The following MNAT1 variants were observed in gnomAD, a reference collection of about 807,000 sequenced individuals.
The protein encoded by MNAT1 is CDK-activating kinase assembly factor MAT1.
A neutral mutation model predicts 42.0 loss-of-function variants in MNAT1; 43 were observed. The observed-to-expected ratio is 1.02, with a 90% CI of 0.80 to 1.32. MNAT1 has a LOEUF of 1.32. Among genes scored for constraint, MNAT1 ranks in the 40% most tolerant of loss-of-function variants. The pLI is 0.00. For missense variants in MNAT1, 306 were observed against 350.4 expected, an observed-to-expected ratio of 0.87 and a Z score of 1.01; for synonymous variants, 118 against 120.0, an observed-to-expected ratio of 0.98 and a Z score of 0.11.
At position 60,918,198 on chromosome 14, in the gene MNAT1, C is replaced by CTTTTTTTTT. The variant is rs386381525; in HGVS notation, c.809+38383_809+38391dup. On this transcript the variant is annotated intron_variant, in intron 7 of 7. Transcript: ENST00000261245. ...AGAAGGATCAATCCAATTAATTGTT[C>CTTTTTTTTT]TTTTTTTTTTTTTTTTTTTTTTTTT... Among the ~76,000 whole-genome samples the CTTTTTTTTT allele has an allele frequency of 1.3e-3, 62 of 48,622 alleles. 13 individuals are homozygous for CTTTTTTTTT. Among genetic ancestry groups the CTTTTTTTTT allele is most frequent in the Admixed American group, 2.4e-3 (6 of 2,450 alleles). 31.9% of individuals were successfully genotyped at this position (48,622 alleles called of 152,430 possible).
intron 6 of MNAT1, among the ~76,000 whole-genome samples, chr14:60,848,776 A>G (rs1442106277): frequency 2.6e-5 from 4 of 152,126 alleles, no homozygotes; most frequent in African/African-American, 9.6e-5. Context: ...ACTTTTCTGG[A>G]GGACTATATA....
chr14:60,751,576 T>G (rs1289954890), intron 1 of MNAT1, among the ~76,000 whole-genome samples: 1 of 151,976 alleles, frequency 6.6e-6, no homozygotes, highest in East Asian at 1.9e-4. Flanking sequence ...AGTGAAATGA[T>G]TTGTAGGATA....
chr14:60,873,272 G>A (rs1480602628), intron 6 of MNAT1, among the ~76,000 whole-genome samples: 4 of 151,508 alleles, frequency 2.6e-5, no homozygotes, highest in Non-Finnish European at 5.9e-5. Context: ...CAGGCCACTT[G>A]TCTTGCAGTA....
chr14:60,918,240 G>T (rs1197566236), intron 7 of MNAT1, among the ~76,000 whole-genome samples: 1 of 100,670 alleles, frequency 9.9e-6, no homozygotes, highest in African/African-American at 3.7e-5. Context: ...ATGGAGTCTC[G>T]GTCTGTCGCC....
At chr14:60,939,618 C>G (rs539869461) in intron 7 of MNAT1, among the ~76,000 whole-genome samples, 56 of 152,314 alleles carry the variant, frequency 3.7e-4, no homozygotes, top group African/African-American at 1.3e-3. Context: ...CATTTCTGCT[C>G]TTTTACATTT....
chr14:60,841,753 A>G (rs1280394894), intron 6 of MNAT1, among the ~76,000 whole-genome samples: 1 of 152,230 alleles, frequency 6.6e-6, no homozygotes, highest in Non-Finnish European at 1.5e-5. Context: ...ATAATCTATT[A>G]TATCCTTGCA....
At chr14:60,929,161 AAAAAAAAAAATAT>A (rs1295670517) in intron 7 of MNAT1, among the ~76,000 whole-genome samples, 1 of 135,944 alleles carries the variant, frequency 7.4e-6, no homozygotes, top group Non-Finnish European at 1.5e-5. Context: ...AAAAAAAAAA[AAAAAAAAAAATAT>A]ATATATATAT....
chr14:60,831,090 C>T (rs573872377), intron 6 of MNAT1, among the ~76,000 whole-genome samples: 2 of 121,278 alleles, frequency 1.6e-5, no homozygotes, highest in African/African-American at 6.1e-5. Flanking sequence ...TGTATTGCTG[C>T]TTTCTTTTGT....
intron 7 of MNAT1, among the ~76,000 whole-genome samples, chr14:60,905,826 A>G (rs1002181357): frequency 6.6e-6 from 1 of 152,168 alleles, no homozygotes; most frequent in African/African-American, 2.4e-5. Context: ...GTGAGGGTGT[A>G]TATTTTGTAC....
At chr14:60,883,538 C>A (rs547230696) in intron 7 of MNAT1, among the ~76,000 whole-genome samples, 27 of 151,932 alleles carry the variant, frequency 1.8e-4, no homozygotes, top group African/African-American at 6.5e-4. Context: ...TTTAAAGTTT[C>A]TTTAAAGATA....
chr14:60,836,108 A>G (rs1309464130), intron 6 of MNAT1, among the ~76,000 whole-genome samples: 1 of 151,806 alleles, frequency 6.6e-6, no homozygotes, highest in Admixed American at 6.6e-5. Context: ...TTCTTCTTTA[A>G]ACTGCTTATT....
At chr14:60,946,609 G>C (rs142317332) in intron 7 of MNAT1, among the ~76,000 whole-genome samples, 93 of 151,842 alleles carry the variant, frequency 6.1e-4, no homozygotes, top group East Asian at 5.6e-3. Flanking sequence ...ATTGTGTGAA[G>C]TCATTCCTTG....
chr14:60,898,918 T>A (rs533532168), intron 7 of MNAT1, among the ~76,000 whole-genome samples: 66 of 152,292 alleles, frequency 4.3e-4, no homozygotes, highest in African/African-American at 1.6e-3. Context: ...TAATTCACCT[T>A]GAGTTGATTT....
chr14:60,910,128 C>G (rs554826184), intron 7 of MNAT1, among the ~76,000 whole-genome samples: 1 of 152,302 alleles, frequency 6.6e-6, no homozygotes, highest in South Asian at 2.1e-4. Flanking sequence ...CTCTGTTTGT[C>G]TGTGACTGGT....
intron 7 of MNAT1, among the ~76,000 whole-genome samples, chr14:60,913,840 A>C (rs939677236): frequency 6.6e-6 from 1 of 151,846 alleles, no homozygotes; most frequent in Non-Finnish European, 1.5e-5. Context: ...AAGAACCACT[A>C]CTCTCTTCAA....
chr14:60,758,180 A>G (rs543776990), intron 1 of MNAT1, among the ~76,000 whole-genome samples: 2 of 150,840 alleles, frequency 1.3e-5, no homozygotes, highest in Non-Finnish European at 1.5e-5. Flanking sequence ...CTTGTAGTCT[A>G]TGTCTTCCTT....
intron 1 of MNAT1, among the ~76,000 whole-genome samples, chr14:60,779,031 A>G (rs1185270335): frequency 3.3e-5 from 5 of 152,218 alleles, no homozygotes; most frequent in Admixed American, 6.5e-5. Flanking sequence ...GGGAACAGAC[A>G]CAATGAGAGT....
intron 7 of MNAT1, among the ~76,000 whole-genome samples, chr14:60,895,957 A>G (rs2034949181): frequency 6.6e-6 from 1 of 152,248 alleles, no homozygotes; most frequent in East Asian, 1.9e-4. Context: ...AGTGGATGAC[A>G]TAAGGTCTTG....
At chr14:60,780,137 C>T in intron 1 of MNAT1, 1 of 1,505,870 alleles carries the variant, frequency 6.6e-7, no homozygotes, top group Admixed American at 1.7e-5. Flanking sequence ...ACTCACCTTG[C>T]TTGTAACTAC....
Sources: gnomAD v4.1 joint callset for allele counts (sites outside exome capture counted in the v4.1 genomes callset) on GRCh38, gnomAD v4.1.1 for gene constraint, MANE v1.5 for transcripts, NCBI Gene and HGNC (gene_info 2026-07-23, HGNC 2026-07-21) for gene names.